PRMT9: variants seen among roughly 807,000 people sequenced by gnomAD.
PRMT9 encodes the protein protein arginine N-methyltransferase 9.
Under a neutral mutation model 83.2 loss-of-function variants are expected in PRMT9, and 59 were observed. The observed-to-expected ratio is 0.71, with a 90% CI of 0.57 to 0.88. The LOEUF is 0.88. PRMT9 is among the 40% of genes least tolerant of loss of function. The pLI is 0.00. For synonymous variants in PRMT9, 333 were observed against 353.2 expected, an observed-to-expected ratio of 0.94 and a Z score of 0.64; for missense variants, 947 against 1,021.9, an observed-to-expected ratio of 0.93 and a Z score of 1.00.
At chr4:147,649,682 T>G (rs1733967580) in intron 9 of PRMT9, among the ~76,000 whole-genome samples, 1 of 152,142 alleles carries the variant, frequency 6.6e-6, no homozygotes, top group South Asian at 2.1e-4. Context: ...TTTTTTTATT[T>G]TTAGTAGAAA....
chr4:147,667,523 T>C (rs1735423480), intron 6 of PRMT9, among the ~76,000 whole-genome samples: 1 of 152,352 alleles, frequency 6.6e-6, no homozygotes, highest in African/African-American at 2.4e-5. Context: ...ACTGTCTGGT[T>C]AGTGCCCTGT....
At chr4:147,664,765 G>C (rs1735207381) in intron 6 of PRMT9, among the ~76,000 whole-genome samples, 1 of 152,016 alleles carries the variant, frequency 6.6e-6, no homozygotes, top group Non-Finnish European at 1.5e-5. Context: ...TAACAAACCT[G>C]CATGTTCTGC....
intron 1 of PRMT9, 115 bp downstream of exon 1, chr4:147,683,684 A>G (rs1264865128): frequency 2.0e-6 from 2 of 995,208 alleles, no homozygotes; most frequent in East Asian, 2.4e-5. Context: ...CTAAATATTA[A>G]CAGCAACCAC....
At chr4:147,649,264 C>A (rs149059079) in intron 9 of PRMT9, among the ~76,000 whole-genome samples, 15 of 151,834 alleles carry the variant, frequency 9.9e-5, no homozygotes, top group Admixed American at 6.6e-5. Flanking sequence ...AAACCCACTC[C>A]CATGATAATG....
intron 7 of PRMT9, among the ~76,000 whole-genome samples, chr4:147,660,572 G>A (rs1734884005): frequency 6.6e-6 from 1 of 152,198 alleles, no homozygotes; most frequent in Admixed American, 6.5e-5. Flanking sequence ...CGAGGCTGCA[G>A]TGAGCCGAGA....
At chr4:147,664,904 C>A (rs901503788) in intron 6 of PRMT9, among the ~76,000 whole-genome samples, 1 of 151,770 alleles carries the variant, frequency 6.6e-6, no homozygotes, top group East Asian at 1.9e-4. Flanking sequence ...CACCTGAGGT[C>A]GGGAGTTCGA....
rs554850100 is a variant in PRMT9 at position 147,683,950 on chromosome 4, C to G, written c.38G>C (p.Gly13Ala). The G allele has an allele frequency of 9.9e-5, 159 of 1,612,990 alleles. 2 individuals carry two copies. The East Asian group carries it at 3.1e-3, about 31-fold the overall frequency. ...CCGGCCGGCTGCCCCAGCGCCACCC[C>G]CGGCGTCTCGGCGGGACCTGGGCCG... is the stretch of plus-strand genomic sequence containing the variant. The part of the protein sequence containing the change: ...NSRPRSRRDA[G>A]GGAGAAGRDE... The change falls in exon 1 of 12, where the codon GGG becomes GCG. Residue 13 changes from glycine (G) to alanine (A), a missense_variant. Physicochemically the swap from Gly to Ala is moderately conservative, Grantham distance 60 (BLOSUM62 0). Coordinates refer to ENST00000322396, the MANE Select transcript of PRMT9 (RefSeq NM_138364.4).
chr4:147,647,823 C>T (rs1036810328), intron 9 of PRMT9, among the ~76,000 whole-genome samples: 1 of 152,094 alleles, frequency 6.6e-6, no homozygotes, highest in Non-Finnish European at 1.5e-5. Flanking sequence ...CTAAACTTTC[C>T]CTACTGCAAC....
At chr4:147,666,655 A>G (rs961390947) in intron 6 of PRMT9, among the ~76,000 whole-genome samples, 1 of 152,156 alleles carries the variant, frequency 6.6e-6, no homozygotes, top group South Asian at 2.1e-4. Context: ...GGATATTCTT[A>G]AACATTTGCT....
At chr4:147,653,805 G>T in intron 9 of PRMT9, 47 bp downstream of exon 9, 3 of 1,331,408 alleles carry the variant, frequency 2.3e-6, no homozygotes, top group South Asian at 2.5e-5. Context: ...CATAAAATCT[G>T]ACCTCAAAAA....
intron 2 of PRMT9, among the ~76,000 whole-genome samples, chr4:147,678,112 A>G (rs1217020415): frequency 6.6e-6 from 1 of 152,226 alleles, no homozygotes; most frequent in Non-Finnish European, 1.5e-5. Flanking sequence ...CAAGGGCCCC[A>G]TGGGCACCAG....
In PRMT9 at chr4:147,660,844, A is replaced by C; in HGVS notation, c.1146+2T>G. 1 of 1,605,690 alleles carries C rather than the reference A, an allele frequency of 6.2e-7. No homozygotes were observed. Among genetic ancestry groups the C allele is most frequent in the Admixed American group, 1.7e-5 (1 of 59,878 alleles). ...TGAAAATAGTAACTGAATTTTTTTC[A>C]CCTGAAGGTTGTTGAAATCTACTGT... is the stretch of plus-strand genomic sequence containing the variant. On this transcript the variant is annotated splice_donor_variant, in intron 7 of 11. Coordinates refer to ENST00000322396, the MANE Select transcript of PRMT9 (RefSeq NM_138364.4). LOFTEE classifies it high-confidence loss of function.
chr4:147,671,428 C>T (rs535654155), intron 4 of PRMT9, among the ~76,000 whole-genome samples: 13 of 152,282 alleles, frequency 8.5e-5, no homozygotes, highest in Admixed American at 2.6e-4. Flanking sequence ...CAAAGACATA[C>T]GAAAATAGTT....
chr4:147,644,606 G>A (rs1371047227), intron 9 of PRMT9, among the ~76,000 whole-genome samples: 3 of 147,234 alleles, frequency 2.0e-5, no homozygotes, highest in South Asian at 2.2e-4. Flanking sequence ...AGAGAACTAC[G>A]AACAAAGGAT....
intron 6 of PRMT9, among the ~76,000 whole-genome samples, chr4:147,664,976 G>A (rs963466389): frequency 1.3e-5 from 2 of 151,688 alleles, no homozygotes; most frequent in Non-Finnish European, 2.9e-5. Flanking sequence ...AAAATCAGCC[G>A]GGCATGGTGG....
intron 9 of PRMT9, 88 bp from the exon 10 acceptor site, chr4:147,643,028 G>A: frequency 8.5e-7 from 1 of 1,183,126 alleles, no homozygotes; most frequent in Non-Finnish European, 1.2e-6. Context: ...GGGAGGCCAA[G>A]GTGGGTGGAT....
At chr4:147,683,045 T>C (rs978757025) in intron 1 of PRMT9, among the ~76,000 whole-genome samples, 64 of 152,188 alleles carry the variant, frequency 4.2e-4, no homozygotes, top group African/African-American at 1.4e-3. Context: ...TAAAAGTACT[T>C]CAAAAAAGAA....
In PRMT9 at chr4:147,682,455, C is replaced by A. The variant is rs1186413330; in HGVS notation, c.189+1344G>T. Among the ~76,000 whole-genome samples, 4 of 152,194 alleles carry A rather than the reference C, an allele frequency of 2.6e-5. No individual in the cohort carries two copies. In the East Asian group the frequency reaches 7.7e-4, roughly 29 times the overall value. On this transcript the variant is annotated intron_variant, in intron 1 of 11. Transcript: ENST00000322396. ...CCTCCCAAAGTGCTGGGATTACAGG[C>A]GTGAGCCACCGCGCCCGGCCTAATT...
chr4:147,655,310 A>G (rs1578896799), intron 8 of PRMT9, among the ~76,000 whole-genome samples: 1 of 149,790 alleles, frequency 6.7e-6, no homozygotes, highest in Non-Finnish European at 1.5e-5. Context: ...CTACGGATAC[A>G]TGCCACCAGG....
Sources: gnomAD v4.1 joint callset for allele counts (sites outside exome capture counted in the v4.1 genomes callset) on GRCh38, gnomAD v4.1.1 for gene constraint, MANE v1.5 for transcripts, NCBI Gene and HGNC (gene_info 2026-07-23, HGNC 2026-07-21) for gene names.